The following TMEM132D variants were observed in gnomAD, a reference collection of about 807,000 sequenced individuals.
TMEM132D encodes the protein mature OL transmembrane protein.
A neutral mutation model predicts 62.3 loss-of-function variants in TMEM132D; 21 were observed. The observed-to-expected ratio is 0.34, with a 90% CI of 0.24 to 0.49. The LOEUF (loss-of-function observed/expected upper bound fraction) is 0.49, where lower values mean the gene tolerates loss of function less well. TMEM132D is among the 20% of genes least tolerant of loss of function. The probability of loss-of-function intolerance (pLI) is 0.99; values close to 1 mark genes in which losing one functional copy is unlikely to be tolerated. For missense variants in TMEM132D, 1,346 were observed against 1,402.8 expected (o/e 0.96, Z 0.65); for synonymous variants, 621 against 575.6 (o/e 1.08, Z -1.13).
At chr12:129,368,359 C>T (rs879570834) in intron 3 of TMEM132D, among the ~76,000 whole-genome samples, 4 of 152,098 alleles carry the variant, frequency 2.6e-5, no homozygotes, top group Admixed American at 6.5e-5. Flanking sequence ...TTCCTTAACC[C>T]CTTCCACATT....
chr12:129,408,051 G>A (rs951990991), intron 3 of TMEM132D, among the ~76,000 whole-genome samples: 3 of 151,886 alleles, frequency 2.0e-5, no homozygotes, highest in East Asian at 1.9e-4. Context: ...TGCTGCCTGC[G>A]TCCCTCCGTC....
rs34308998 is a variant in TMEM132D at position 129,664,421 on chromosome 12, AT to A, written c.968+35388del. On this transcript the variant is annotated intron_variant, in intron 2 of 8. Coordinates refer to ENST00000422113, the MANE Select transcript of TMEM132D (RefSeq NM_133448.3). ...ATCTTGACATTCTACAATTACAAGAATTTTTTTTTTTTTTTTTTTTTGAGAC... is the reference window on the plus strand; with the variant it reads ...ATCTTGACATTCTACAATTACAAGAATTTTTTTTTTTTTTTTTTTTGAGAC... 2.8e-3 allele frequency among the ~76,000 whole-genome samples: 318 copies of A among 114,226 alleles called. 1 individual carries two copies. The highest frequency in any genetic ancestry group is 6.3e-3 in the African/African-American group (193 of 30,488). The allele number at this position is 114,226 out of a possible 152,430, so 74.9% of individuals were successfully genotyped here.
At chr12:129,525,408 T>A (rs76797167) in intron 3 of TMEM132D, among the ~76,000 whole-genome samples, 1 of 151,820 alleles carries the variant, frequency 6.6e-6, no homozygotes, top group Non-Finnish European at 1.5e-5. Context: ...TTTGTTATCA[T>A]TGATACAGGC....
At chr12:129,503,894 T>C (rs1875239926) in intron 3 of TMEM132D, among the ~76,000 whole-genome samples, 1 of 152,148 alleles carries the variant, frequency 6.6e-6, no homozygotes, top group Non-Finnish European at 1.5e-5. Flanking sequence ...CTTATCACCA[T>C]CATCACCATA....
chr12:129,809,067 G>T (rs974784994), intron 1 of TMEM132D, among the ~76,000 whole-genome samples: 15 of 152,154 alleles, frequency 9.9e-5, no homozygotes, highest in Admixed American at 5.2e-4. Context: ...CAGCACTCTG[G>T]GAGGGCAAGG....
intron 2 of TMEM132D, among the ~76,000 whole-genome samples, chr12:129,632,361 C>A (rs189595786): frequency 1.3e-5 from 2 of 151,970 alleles, no homozygotes; most frequent in Non-Finnish European, 2.9e-5. Flanking sequence ...AAACCTTTTT[C>A]GGCAGTAAAA....
Position 129,118,612 on chromosome 12 carries a change from C to T in TMEM132D, c.1444-33910G>A, listed in dbSNP as rs150973362. 2.0e-3 allele frequency among the ~76,000 whole-genome samples: 306 copies of T among 152,306 alleles called. 1 individual carries two copies. The highest frequency in any genetic ancestry group is 7.1e-3 in the African/African-American group (295 of 41,562). ...TTAGAGGGCACTGAATGAAACAATG[C>T]TACTTCCAATTAACATCAAAGCAAA... On this transcript the variant is annotated intron_variant, in intron 5 of 8. Coordinates refer to ENST00000422113, the MANE Select transcript of TMEM132D (RefSeq NM_133448.3).
intron 3 of TMEM132D, among the ~76,000 whole-genome samples, chr12:129,418,328 T>C (rs1242448450): frequency 6.6e-6 from 1 of 152,130 alleles, no homozygotes; most frequent in Non-Finnish European, 1.5e-5. Flanking sequence ...CCGTCAATGA[T>C]AGACTGGATA....
At chr12:129,770,925 G>A (rs1478011415) in intron 1 of TMEM132D, among the ~76,000 whole-genome samples, 1 of 152,208 alleles carries the variant, frequency 6.6e-6, no homozygotes, top group Non-Finnish European at 1.5e-5. Context: ...CGTAAGCCGA[G>A]GACTGTCTGT....
intron 1 of TMEM132D, among the ~76,000 whole-genome samples, chr12:129,886,313 C>T (rs984180443): frequency 1.3e-5 from 2 of 151,958 alleles, no homozygotes; most frequent in African/African-American, 4.8e-5. Context: ...ATAGTAAGAC[C>T]GGAGATGGAA....
chr12:129,132,980 T>C (rs1876422729), intron 5 of TMEM132D, among the ~76,000 whole-genome samples: 1 of 152,166 alleles, frequency 6.6e-6, no homozygotes. Flanking sequence ...CAGAGATGGC[T>C]CTCTCCTCTG....
At chr12:129,789,499 G>A (rs574388045) in intron 1 of TMEM132D, among the ~76,000 whole-genome samples, 1 of 152,282 alleles carries the variant, frequency 6.6e-6, no homozygotes, top group South Asian at 2.1e-4. Flanking sequence ...CCAAAGAGTG[G>A]ATAAGTCAAA....
At chr12:129,392,466 G>C (rs929859027) in intron 3 of TMEM132D, among the ~76,000 whole-genome samples, 1 of 152,176 alleles carries the variant, frequency 6.6e-6, no homozygotes, top group Non-Finnish European at 1.5e-5. Context: ...CCTTTCCTCT[G>C]ATCCTTCCTC....
At chr12:129,520,875 C>T (rs1197585253) in intron 3 of TMEM132D, among the ~76,000 whole-genome samples, 2 of 152,134 alleles carry the variant, frequency 1.3e-5, no homozygotes, top group East Asian at 3.9e-4. Flanking sequence ...ACCTATAGAC[C>T]AAACAAAATG....
chr12:129,074,076 C>A lies in TMEM132D; in HGVS notation c.3099G>T (p.Glu1033Asp), dbSNP rs762763245. The A allele has an allele frequency of 1.9e-6, 3 of 1,614,046 alleles. No individual in the cohort carries two copies. The South Asian group carries it at 3.3e-5, about 18-fold the overall frequency. The change falls in exon 9 of 9, where the codon GAG (glutamate) becomes GAT (aspartate). Residue 1033 changes from glutamate (E) to aspartate (D), a missense_variant. Physicochemically the swap from Glu to Asp is conservative, Grantham distance 45. Transcript: ENST00000422113. ...IIIDGKDQKS[E>D]PPTSPTSKRK... ...TTTTTGAGGTAGGGGATGTTGGGGG[C>A]TCACTTTTCTGATCTTTCCCATCAA...
chr12:129,403,449 T>G (rs974579695), intron 3 of TMEM132D, among the ~76,000 whole-genome samples: 2 of 151,290 alleles, frequency 1.3e-5, no homozygotes, highest in Admixed American at 6.6e-5. Context: ...GTGGAGTGAG[T>G]AGGAAACGGC....
intron 2 of TMEM132D, among the ~76,000 whole-genome samples, chr12:129,606,559 A>T (rs1878630407): frequency 6.6e-6 from 1 of 152,158 alleles, no homozygotes; most frequent in African/African-American, 2.4e-5. Context: ...ACCAGGCTGG[A>T]CAAGATGAAC....
At chr12:129,577,311 A>G (rs1408437889) in intron 2 of TMEM132D, among the ~76,000 whole-genome samples, 1 of 151,700 alleles carries the variant, frequency 6.6e-6, no homozygotes, top group Non-Finnish European at 1.5e-5. Context: ...AGTGCAGTGT[A>G]TGCTGCAGTT....
At position 129,152,060 on chromosome 12, in the gene TMEM132D, C is replaced by T. The variant is rs182811041; in HGVS notation, c.1443+57460G>A. Among the ~76,000 whole-genome samples, 31 of 152,076 alleles carry T rather than the reference C, an allele frequency of 2.0e-4. 1 individual carries two copies. The East Asian group carries it at 4.8e-3, about 24-fold the overall frequency. ...GCCCAGCTAATTTTTGTAATTTTGG[C>T]GGAGATGGGGTTTCACCATGTTGGC... On this transcript the variant is annotated intron_variant, in intron 5 of 8. Coordinates refer to ENST00000422113, the MANE Select transcript of TMEM132D (RefSeq NM_133448.3).
Sources: allele counts gnomAD v4.1 joint callset (sites outside exome capture counted in the v4.1 genomes callset), GRCh38; gene constraint gnomAD v4.1.1; transcripts MANE v1.5; gene names NCBI Gene and HGNC (gene_info 2026-07-23, HGNC 2026-07-21).